MTCL1: variants seen among roughly 807,000 people sequenced by gnomAD.
MTCL1 encodes microtubule crosslinking factor 1.
In MTCL1, 79 loss-of-function variants were observed where a neutral mutation model predicts 141.4. The observed-to-expected ratio is 0.56, with a 90% CI of 0.47 to 0.67. MTCL1 has a LOEUF of 0.67. Among genes scored for constraint, MTCL1 ranks in the 30% least tolerant of loss-of-function variants. The pLI, the probability that MTCL1 is intolerant of heterozygous loss-of-function variation, is 0.00. For missense variants in MTCL1, 2,177 were observed against 2,113.9 expected (o/e 1.03, Z -0.59); for synonymous variants, 914 against 875.8 (o/e 1.04, Z -0.77).
chr18:8,729,304 C>T (rs780420757), intron 4 of MTCL1, among the ~76,000 whole-genome samples: 1 of 151,964 alleles, frequency 6.6e-6, no homozygotes, highest in Non-Finnish European at 1.5e-5. Context: ...GATCCTCCTG[C>T]CTTAGCCTCC....
At chr18:8,746,484 T>G (rs192273201) in intron 4 of MTCL1, among the ~76,000 whole-genome samples, 3 of 152,344 alleles carry the variant, frequency 2.0e-5, no homozygotes, top group Non-Finnish European at 4.4e-5. Flanking sequence ...CTTATGAGCA[T>G]TGTCATTCTT....
At chr18:8,829,095 G>A (rs2077117015) in intron 16 of MTCL1, 4 of 1,537,054 alleles carry the variant, frequency 2.6e-6, no homozygotes, top group Non-Finnish European at 3.5e-6. Flanking sequence ...CCAAGTTCCA[G>A]GAGGTTCGCC....
intron 7 of MTCL1, chr18:8,786,675 C>T (rs2096557250): frequency 3.8e-6 from 1 of 262,648 alleles, no homozygotes; most frequent in South Asian, 4.7e-5. Flanking sequence ...TTGTCAGCAG[C>T]CTGGAAGAGT....
intron 4 of MTCL1, among the ~76,000 whole-genome samples, chr18:8,722,639 G>C (rs1047403493): frequency 6.6e-6 from 1 of 152,152 alleles, no homozygotes; most frequent in African/African-American, 2.4e-5. Flanking sequence ...TCACCGTAAA[G>C]GTCTTCATGC....
At position 8,820,371 on chromosome 18, in the gene MTCL1, C is replaced by T. The variant is rs1306730401; in HGVS notation, c.3157-1096C>T. On this transcript the variant is annotated intron_variant, in intron 13 of 16. Coordinates refer to ENST00000359865, the Ensembl canonical transcript of MTCL1. ...CTTGTAGTGAGCCAAGATCGCGCCACTGCACTCCAGCCTGGGCGACAGAGC... is the reference window on the plus strand; with the variant it reads ...CTTGTAGTGAGCCAAGATCGCGCCATTGCACTCCAGCCTGGGCGACAGAGC... 4.6e-5 allele frequency among the ~76,000 whole-genome samples: 7 copies of T among 151,926 alleles called. 1 individual carries two copies. The South Asian group carries it at 1.5e-3, about 32-fold the overall frequency.
chr18:8,728,830 G>A (rs2096233979), intron 4 of MTCL1, among the ~76,000 whole-genome samples: 1 of 134,972 alleles, frequency 7.4e-6, no homozygotes, highest in Non-Finnish European at 1.5e-5. Flanking sequence ...CGCCTCCCGA[G>A]TTCAAGCGAT....
chr18:8,809,460 T>A, intron 11 of MTCL1: 1 of 1,535,538 alleles, frequency 6.5e-7, no homozygotes, highest in South Asian at 1.2e-5. Context: ...TTGTTGTGGA[T>A]ATCCCAGAAT....
chr18:8,798,369 G>T, intron 10 of MTCL1, 78 bp downstream of exon 9: 1 of 1,263,668 alleles, frequency 7.9e-7, no homozygotes, highest in Non-Finnish European at 1.0e-6. Context: ...GGGTCGTTTT[G>T]TTTCCAGTGT....
chr18:8,784,509 G>T, exon 6 of MTCL1: 10 of 1,598,026 alleles, frequency 6.3e-6, no homozygotes, highest in Non-Finnish European at 7.7e-6. Flanking sequence ...CGGCTAGAGC[G>T]GACGGTGGAG....
chr18:8,803,088 C>G (rs557406889), intron 10 of MTCL1, among the ~76,000 whole-genome samples: 18 of 151,328 alleles, frequency 1.2e-4, no homozygotes, highest in Non-Finnish European at 2.2e-4. Flanking sequence ...GACTCACTAT[C>G]ATTAATTTCC....
upstream of MTCL1, among the ~76,000 whole-genome samples, chr18:8,714,297 T>C (rs1018265445): frequency 3.9e-5 from 6 of 152,174 alleles, no homozygotes; most frequent in African/African-American, 1.4e-4. Flanking sequence ...GCATAATGTG[T>C]TCCTGACAGG....
chr18:8,831,086 CAAAT>C, intron 16 of MTCL1: 1 of 986,020 alleles, frequency 1.0e-6, no homozygotes, highest in African/African-American at 1.7e-5. Flanking sequence ...CAGTCAATTT[CAAAT>C]AAACAGTAGC....
chr18:8,792,914 G>A, intron 7 of MTCL1, 84 bp from the exon 7 acceptor site: 1 of 1,561,564 alleles, frequency 6.4e-7, no homozygotes, highest in Non-Finnish European at 8.7e-7. Flanking sequence ...TGCGTCCCCA[G>A]CTTGTGCAGA....
At chr18:8,744,670 C>A (rs1215821578) in intron 4 of MTCL1, among the ~76,000 whole-genome samples, 1 of 152,038 alleles carries the variant, frequency 6.6e-6, no homozygotes, top group Non-Finnish European at 1.5e-5. Context: ...TTGTAACTGT[C>A]CCATTTAAAG....
chr18:8,751,653 A>C (rs1360341243), intron 4 of MTCL1, among the ~76,000 whole-genome samples: 6 of 152,300 alleles, frequency 3.9e-5, no homozygotes, highest in African/African-American at 1.4e-4. Context: ...GGTCTGAGTC[A>C]CCTGGTCCAG....
Position 8,725,776 on chromosome 18 carries a change from CTTTTTTTTTTTTTCTT to C in MTCL1, c.357+5294_357+5309del, listed in dbSNP as rs1361712306. 4.3e-3 allele frequency among the ~76,000 whole-genome samples: 473 copies of C among 110,996 alleles called. 10 individuals carry two copies. The highest frequency in any genetic ancestry group is 0.016 in the Middle Eastern group (3 of 192). 72.8% of individuals were successfully genotyped at this position (110,996 alleles called of 152,430 possible). A position where few individuals can be genotyped will look rare whatever the true frequency, so the allele number is the denominator to read the frequency against. ...GCGTTATGTATTTTGGTGCCATTTT[CTTTTTTTTTTTTTCTT>C]TTTTTTTTTTTTTTTGAGATGGAGT... On this transcript the variant is annotated intron_variant, in intron 4 of 16. Transcript: ENST00000359865.
intron 12 of MTCL1, among the ~76,000 whole-genome samples, chr18:8,816,939 A>G (rs1265391850): frequency 6.6e-6 from 1 of 152,224 alleles, no homozygotes; most frequent in Non-Finnish European, 1.5e-5. Flanking sequence ...GAGGCATCTT[A>G]GCAGCAGATA....
chr18:8,718,068 G>A, intron 2 of MTCL1: 2 of 757,414 alleles, frequency 2.6e-6, no homozygotes, highest in South Asian at 3.8e-5. Context: ...TTATGCCTTA[G>A]AGATAAAGGC....
intron 4 of MTCL1, among the ~76,000 whole-genome samples, chr18:8,725,880 C>G (rs1457695182): frequency 2.7e-5 from 4 of 147,816 alleles, no homozygotes; most frequent in East Asian, 2.1e-4. Flanking sequence ...AGCTCTGCCT[C>G]CCGGGTTCAC....
Sources: allele counts gnomAD v4.1 joint callset (sites outside exome capture counted in the v4.1 genomes callset), GRCh38; gene constraint gnomAD v4.1.1; transcripts MANE v1.5; gene names NCBI Gene and HGNC (gene_info 2026-07-23, HGNC 2026-07-21).